The following VPS13C variants were observed in gnomAD, a reference collection of about 807,000 sequenced individuals.
The protein encoded by VPS13C is intermembrane lipid transfer protein VPS13C.
VPS13C carries 358 observed loss-of-function variants against 456.8 expected under a neutral mutation model. That is an observed-to-expected ratio of 0.78 (90% confidence interval 0.72 to 0.86). The LOEUF (loss-of-function observed/expected upper bound fraction) is 0.86, where lower values mean the gene tolerates loss of function less well. VPS13C is among the 40% of genes least tolerant of loss of function. The pLI is 0.00. For synonymous variants in VPS13C, 1,578 were observed against 1,486.7 expected (o/e 1.06, Z -1.41); for missense variants, 4,818 against 4,385.4 (o/e 1.10, Z -2.79).
At chr15:61,885,994 C>T (rs994863712) in intron 67 of VPS13C, among the ~76,000 whole-genome samples, 2 of 152,100 alleles carry the variant, frequency 1.3e-5, no homozygotes, top group Non-Finnish European at 1.5e-5. Flanking sequence ...TTGTAATTGA[C>T]TATTGAGGTT....
At position 61,962,823 on chromosome 15, in the gene VPS13C, T is replaced by A; in HGVS notation, c.3361A>T (p.Arg1121Ter). Reference sequence around the variant, plus strand: ...AGTCGGGCAAAAAGTGACTGCTTTCTTGACTGGAGAGAAAGGGAGGAATCC... The same window carrying A: ...AGTCGGGCAAAAAGTGACTGCTTTCATGACTGGAGAGAAAGGGAGGAATCC... Reference protein sequence around the residue: ...GLDSSLSLQSRKQSLFARLEN... With the variant: ...GLDSSLSLQS Residue 1121 changes from arginine to a stop codon, truncating the protein, a stop_gained, in exon 33 of 85, where the codon AGA becomes TGA. Coordinates refer to ENST00000644861, the MANE Select transcript of VPS13C (RefSeq NM_020821.3). LOFTEE classifies it high-confidence loss of function. The A allele has an allele frequency of 6.2e-7, 1 of 1,606,350 alleles. No homozygotes were observed. The highest frequency in any genetic ancestry group is 8.5e-7 in the Non-Finnish European group (1 of 1,175,216).
chr15:61,980,345 C>T (rs1477348592), intron 22 of VPS13C, among the ~76,000 whole-genome samples: 2 of 152,102 alleles, frequency 1.3e-5, no homozygotes, highest in Admixed American at 1.3e-4. Context: ...AAGGTCATGG[C>T]AACAGTTTTT....
At position 61,961,706 on chromosome 15, in the gene VPS13C, A is replaced by G. The variant is rs2045213279; in HGVS notation, c.3791T>C (p.Val1264Ala). ...ATGAACTCTGATTAACCCAAGATCT[A>G]CCACTACTGCATTGGTGGAAATAGA... ...QSSISTNAVV[V>A]DLGLIRVHNQ... The change falls in exon 35 of 85, where the codon GTA becomes GCA. Residue 1264 changes from valine (V) to alanine (A), a missense_variant. Physicochemically the swap from Val to Ala is moderately conservative, Grantham distance 64 (BLOSUM62 0). Transcript: ENST00000644861. 2 of 1,613,322 alleles carry G rather than the reference A, an allele frequency of 1.2e-6. No individual in the cohort carries two copies. Among genetic ancestry groups the G allele is most frequent in the Non-Finnish European group, 8.5e-7 (1 of 1,179,804 alleles).
intron 15 of VPS13C, among the ~76,000 whole-genome samples, chr15:62,006,574 T>G (rs957470356): frequency 2.6e-4 from 40 of 152,348 alleles, no homozygotes; most frequent in African/African-American, 9.6e-4. Context: ...TATGTGTGCA[T>G]GTGTCTTTAT....
intron 15 of VPS13C, among the ~76,000 whole-genome samples, chr15:62,006,077 T>C (rs1403395152): frequency 6.9e-6 from 1 of 145,086 alleles, no homozygotes; most frequent in African/African-American, 2.5e-5. Context: ...TTTTTGTTTT[T>C]GTTTTTTTTT....
Position 61,936,336 on chromosome 15 carries a change from G to A in VPS13C, c.5755+261C>T, listed in dbSNP as rs76304584. ...TAGCTTGATTCTTCTCTCAAGATAC[G>A]CCACTTCAGTGCCTAGTGAATTCAG... On this transcript the variant is annotated intron_variant, in intron 48 of 84. Transcript: ENST00000644861. Among the ~76,000 whole-genome samples, 1,007 of 151,960 alleles carry A rather than the reference G, an allele frequency of 6.6e-3. 14 individuals are homozygous for A. The highest frequency in any genetic ancestry group is 0.023 in the African/African-American group (971 of 41,446).
intron 83 of VPS13C, among the ~76,000 whole-genome samples, chr15:61,855,923 C>G (rs899367541): frequency 6.6e-6 from 1 of 151,824 alleles, no homozygotes; most frequent in African/African-American, 2.4e-5. Flanking sequence ...ACTTAATAAT[C>G]TTCTAAAAAC....
Position 62,046,989 on chromosome 15 carries a change from T to C in VPS13C, c.101-2734A>G, listed in dbSNP as rs142550760. ...TTTTTATAATAATTAGATTTTTTTA[T>C]GTGAAATTATTACGGAAATTATAAG... is the stretch of plus-strand genomic sequence containing the variant. On this transcript the variant is annotated intron_variant, in intron 1 of 84. Transcript: ENST00000644861. 6.5e-3 allele frequency among the ~76,000 whole-genome samples: 996 copies of C among 152,238 alleles called. 11 individuals are homozygous for C. Among genetic ancestry groups the C allele is most frequent in the African/African-American group, 0.023 (949 of 41,544 alleles).
intron 81 of VPS13C, among the ~76,000 whole-genome samples, chr15:61,868,244 C>G (rs1160329532): frequency 1.3e-5 from 2 of 151,884 alleles, no homozygotes. Context: ...ATCTTTTATT[C>G]TCTCATCTAG....
At chr15:61,855,203 T>C (rs1240065185) in intron 83 of VPS13C, among the ~76,000 whole-genome samples, 1 of 152,208 alleles carries the variant, frequency 6.6e-6, no homozygotes, top group African/African-American at 2.4e-5. Context: ...TTCTGCAGGC[T>C]ATGATAAATA....
intron 9 of VPS13C, among the ~76,000 whole-genome samples, chr15:62,016,958 G>T (rs879051574): frequency 6.6e-6 from 1 of 152,112 alleles, no homozygotes; most frequent in South Asian, 2.1e-4. Flanking sequence ...TTCAATGATC[G>T]CCATTCTAAC....
chr15:61,856,661 T>C, intron 82 of VPS13C: 2 of 280,360 alleles, frequency 7.1e-6, no homozygotes, highest in Non-Finnish European at 1.3e-5. Context: ...TTCAGAAAAG[T>C]GTAACTTTTT....
At chr15:61,861,210 G>C (rs567795011) in intron 82 of VPS13C, among the ~76,000 whole-genome samples, 30 of 151,928 alleles carry the variant, frequency 2.0e-4, no homozygotes, top group African/African-American at 7.2e-4. Flanking sequence ...TGATCCGCCC[G>C]CCTCGGCCTC....
chr15:61,922,366 T>C, intron 54 of VPS13C, 31 bp downstream of exon 54: 1 of 1,574,600 alleles, frequency 6.4e-7, no homozygotes, highest in Non-Finnish European at 8.6e-7. Context: ...TTTCAAGAAG[T>C]CTCTGAAGGT....
At chr15:61,866,419 G>C (rs1894596438) in intron 81 of VPS13C, 1 of 983,730 alleles carries the variant, frequency 1.0e-6, no homozygotes, top group African/African-American at 1.7e-5. Context: ...TAATAACAGA[G>C]CTAAACAAAA....
intron 26 of VPS13C, 24 bp downstream of exon 26, chr15:61,973,430 G>A (rs1283371390): frequency 1.3e-6 from 2 of 1,577,428 alleles, no homozygotes; most frequent in South Asian, 2.2e-5. Flanking sequence ...ATTTAATAGA[G>A]AAAGAGTATT....
At chr15:61,894,302 C>T (rs1024312122) in intron 66 of VPS13C, among the ~76,000 whole-genome samples, 8 of 150,226 alleles carry the variant, frequency 5.3e-5, no homozygotes, top group Middle Eastern at 3.4e-3. Flanking sequence ...AGCAAGACTC[C>T]GTCTCAAAAC....
chr15:61,913,371 T>G lies in VPS13C; in HGVS notation c.8490A>C (p.Ser2830=). Residue 2830 remains serine, a synonymous_variant, in exon 62 of 85, where the codon TCA becomes TCC. Coordinates refer to ENST00000644861, the MANE Select transcript of VPS13C (RefSeq NM_020821.3). ...ISTSAWSSSF[S]LDTVGSYGCV... is the part of the protein sequence containing the mutation. The stretch of plus-strand genomic sequence containing the variant: ...ACCCATAACTTCCCACTGTATCCAA[T>G]GAGAAACTACTGGACCAGGCACTGG... The G allele has an allele frequency of 1.2e-6, 2 of 1,614,086 alleles. No homozygotes were observed. Among genetic ancestry groups the G allele is most frequent in the Non-Finnish European group, 1.7e-6 (2 of 1,179,972 alleles).
chr15:61,876,268 A>G (rs758799715), intron 75 of VPS13C, among the ~76,000 whole-genome samples: 1 of 152,038 alleles, frequency 6.6e-6, no homozygotes, highest in Non-Finnish European at 1.5e-5. Flanking sequence ...CTCCGTCTCT[A>G]TAAAAACTCA....
Sources: allele counts gnomAD v4.1 joint callset (sites outside exome capture counted in the v4.1 genomes callset), GRCh38; gene constraint gnomAD v4.1.1; transcripts MANE v1.5; gene names NCBI Gene and HGNC (gene_info 2026-07-23, HGNC 2026-07-21).